The following ABCB1 variants were observed in gnomAD, a reference collection of about 807,000 sequenced individuals.
ABCB1 encodes the protein ATP binding cassette subfamily B member 1, also known as ATP-dependent translocase ABCB1.
ABCB1 carries 69 observed loss-of-function variants against 142.0 expected under a neutral mutation model. The observed-to-expected ratio is 0.49, with a 90% CI of 0.40 to 0.59. ABCB1 has a LOEUF of 0.59. ABCB1 is among the 20% of genes least tolerant of loss of function. The pLI is 0.00. For synonymous variants in ABCB1, 532 were observed against 539.2 expected, an observed-to-expected ratio of 0.99 and a Z score of 0.18; for missense variants, 1,326 against 1,554.7, an observed-to-expected ratio of 0.85 and a Z score of 2.47.
rs555309870 is a variant in ABCB1 at position 87,645,122 on chromosome 7, G to A, written c.-330-44044C>T. Among the ~76,000 whole-genome samples, 7 of 127,894 alleles carry A rather than the reference G, an allele frequency of 5.5e-5. No individual in the cohort carries two copies. In the South Asian group the frequency reaches 1.7e-3, roughly 31 times the overall value. 83.9% of individuals were successfully genotyped at this position (127,894 alleles called of 152,430 possible). A position where few individuals can be genotyped will look rare whatever the true frequency, so the allele number is the denominator to read the frequency against. ...TTTGAGACAGAGTTTTGCTCTTGTT[G>A]CTCAGGCCGGAGTGCAGTGGCACGA... On this transcript the variant is annotated intron_variant, in intron 1 of 28. Transcript: ENST00000265724.
chr7:87,628,847 C>G, intron 1 of ABCB1: 1 of 1,268,016 alleles, frequency 7.9e-7, no homozygotes, highest in Non-Finnish European at 1.0e-6. Context: ...GCCTGGGGGG[C>G]CTGAGCGGGA....
chr7:87,596,383 C>G (rs956331268), intron 2 of ABCB1, among the ~76,000 whole-genome samples: 1 of 152,042 alleles, frequency 6.6e-6, no homozygotes, highest in Non-Finnish European at 1.5e-5. Context: ...AAAAAAATGT[C>G]TGGAGTCCTA....
chr7:87,615,185 T>A lies in ABCB1; in HGVS notation c.-330-14107A>T, dbSNP rs553768272. ...GTTTCTTATCTCTCCTGCTACACTA[T>A]ACATTCACAAAGGAAGGAGCTCTGT... On this transcript the variant is annotated intron_variant, in intron 1 of 28. Transcript: ENST00000265724. Among the ~76,000 whole-genome samples the A allele has an allele frequency of 3.3e-5, 5 of 152,296 alleles. No individual in the cohort carries two copies. In the East Asian group the frequency reaches 9.6e-4, roughly 29 times the overall value.
At chr7:87,711,443 T>C (rs2130744385) in intron 1 of ABCB1, among the ~76,000 whole-genome samples, 1 of 152,226 alleles carries the variant, frequency 6.6e-6, no homozygotes, top group Admixed American at 6.5e-5. Flanking sequence ...TGTATAAAGA[T>C]GACATCCTGT....
rs146538173 is a variant in ABCB1, at chr7:87,549,193, A to T, written c.1725+155T>A. Among the ~76,000 whole-genome samples, 82 of 152,362 alleles carry T rather than the reference A, an allele frequency of 5.4e-4. 1 individual carries two copies. Among genetic ancestry groups the T allele is most frequent in the African/African-American group, 1.9e-3 (81 of 41,588 alleles). ...CAATAAAACAAACAAATAGAAAAAGATTTCAAAGAGGCCCAATGCTTTTAT... is the reference window on the plus strand; with the variant it reads ...CAATAAAACAAACAAATAGAAAAAGTTTTCAAAGAGGCCCAATGCTTTTAT... On this transcript the variant is annotated intron_variant, in intron 14 of 27. Coordinates refer to ENST00000622132, the MANE Select transcript of ABCB1 (RefSeq NM_001348946.2).
intron 1 of ABCB1, chr7:87,628,846 G>C (rs779052957): frequency 7.9e-7 from 1 of 1,267,832 alleles, no homozygotes; most frequent in Non-Finnish European, 1.0e-6. Flanking sequence ...AGCCTGGGGG[G>C]CCTGAGCGGG....
At chr7:87,618,235 A>G (rs1370565196) in intron 1 of ABCB1, among the ~76,000 whole-genome samples, 2 of 152,090 alleles carry the variant, frequency 1.3e-5, no homozygotes, top group African/African-American at 4.8e-5. Context: ...ATACGGTATA[A>G]ATATGTATAT....
At chr7:87,600,269 G>C (rs952240425) in intron 1 of ABCB1, 79 bp from the exon 2 acceptor site, 1 of 1,208,880 alleles carries the variant, frequency 8.3e-7, no homozygotes, top group Non-Finnish European at 1.2e-6. Context: ...CTAGTCCCCC[G>C]TCGAAGCCAG....
At chr7:87,662,718 A>G (rs925781242) in intron 1 of ABCB1, among the ~76,000 whole-genome samples, 1 of 151,952 alleles carries the variant, frequency 6.6e-6, no homozygotes, top group Non-Finnish European at 1.5e-5. Flanking sequence ...TTTGCTCAGG[A>G]TAGCTTTGTC....
At chr7:87,708,552 G>A (rs1829803805) in intron 1 of ABCB1, among the ~76,000 whole-genome samples, 1 of 152,054 alleles carries the variant, frequency 6.6e-6, no homozygotes, top group South Asian at 2.1e-4. Context: ...CTTCTTATGG[G>A]TTTTTAAGAG....
intron 1 of ABCB1, among the ~76,000 whole-genome samples, chr7:87,626,135 AT>A (rs1275958206): frequency 7.5e-6 from 1 of 133,266 alleles, no homozygotes; most frequent in Non-Finnish European, 1.5e-5. Context: ...TGTCATATAT[AT>A]GTGTCATATA....
Position 87,570,146 on chromosome 7 carries a change from C to A in ABCB1, c.338+26G>T, listed in dbSNP as rs1370607856. The A allele has an allele frequency of 6.2e-7, 1 of 1,603,060 alleles. No homozygotes were observed. Among genetic ancestry groups the A allele is most frequent in the South Asian group, 1.1e-5 (1 of 90,780 alleles). On this transcript the variant is annotated intron_variant, in intron 5 of 27. Transcript: ENST00000622132. ...ACTTGATGAATATAGAAAAACTTAA[C>A]AATAGTAAGGAGAATGTCTAATTAC...
intron 7 of ABCB1, 70 bp downstream of exon 7, chr7:87,566,000 C>T: frequency 6.5e-7 from 1 of 1,549,294 alleles, no homozygotes; most frequent in Non-Finnish European, 8.9e-7. Context: ...AGTAAAAAGA[C>T]CTTTCCGTAG....
At chr7:87,704,497 A>G (rs1404531558) in intron 1 of ABCB1, among the ~76,000 whole-genome samples, 2 of 152,246 alleles carry the variant, frequency 1.3e-5, no homozygotes, top group African/African-American at 4.8e-5. Flanking sequence ...AACAAAGTTT[A>G]GAAATGTAGC....
chr7:87,693,964 C>G, intron 1 of ABCB1: 1 of 1,611,554 alleles, frequency 6.2e-7, no homozygotes, highest in Non-Finnish European at 8.5e-7. Context: ...TCAAGGTACT[C>G]TATGCTGGTG....
chr7:87,523,685 G>C (rs764578754), intron 21 of ABCB1, among the ~76,000 whole-genome samples: 28 of 152,140 alleles, frequency 1.8e-4, no homozygotes, highest in Admixed American at 1.6e-3. Flanking sequence ...AAGGCAATCT[G>C]ATTAGGAAAC....
chr7:87,612,753 T>C (rs930436460), intron 1 of ABCB1, among the ~76,000 whole-genome samples: 1 of 152,180 alleles, frequency 6.6e-6, no homozygotes, highest in African/African-American at 2.4e-5. Context: ...TGTTCCTTTT[T>C]GGTTTCATAT....
At chr7:87,647,606 C>A (rs774440008) in intron 1 of ABCB1, among the ~76,000 whole-genome samples, 27 of 152,060 alleles carry the variant, frequency 1.8e-4, no homozygotes, top group Non-Finnish European at 4.4e-5. Context: ...TTGCATGGTT[C>A]CAGTATTTCA....
At position 87,519,694 on chromosome 7, in the gene ABCB1, C is replaced by T. The variant is rs542156202; in HGVS notation, c.2787-228G>A. 1.3e-4 allele frequency among the ~76,000 whole-genome samples: 20 copies of T among 152,304 alleles called. No individual in the cohort carries two copies. The South Asian group carries it at 3.1e-3, about 24-fold the overall frequency. ...TATCTTTAATGTAGAATTAACTACA[C>T]CTCAAAGTGTTGATGTAAAGAGAAA... On this transcript the variant is annotated intron_variant, in intron 22 of 27. Transcript: ENST00000622132.
Sources: gnomAD v4.1 joint callset for allele counts (sites outside exome capture counted in the v4.1 genomes callset) on GRCh38, gnomAD v4.1.1 for gene constraint, MANE v1.5 for transcripts, NCBI Gene and HGNC (gene_info 2026-07-23, HGNC 2026-07-21) for gene names.